Variants in BIN1 observed in about 807,000 individuals in gnomAD.
BIN1 encodes bridging integrator 1, also known as myc box-dependent-interacting protein 1.
BIN1 carries 53 observed loss-of-function variants against 82.0 expected under a neutral mutation model. That is an observed-to-expected ratio of 0.65 (90% confidence interval 0.52 to 0.81). BIN1 has a LOEUF of 0.81. Ranked by LOEUF, BIN1 falls within the 40% of genes least tolerant of loss-of-function variation. BIN1 has a pLI of 0.00. For missense variants in BIN1, 642 were observed against 784.4 expected (o/e 0.82, Z 2.17); for synonymous variants, 302 against 328.0 (o/e 0.92, Z 0.86).
chr2:127,072,799 G>T (rs1002970192), intron 2 of BIN1, among the ~76,000 whole-genome samples: 2 of 152,144 alleles, frequency 1.3e-5, no homozygotes, highest in African/African-American at 4.8e-5. Context: ...TCAGGGGGTC[G>T]GATGGAGACC....
At chr2:127,085,813 G>GC (rs1230098735) in intron 1 of BIN1, among the ~76,000 whole-genome samples, 1 of 152,170 alleles carries the variant, frequency 6.6e-6, no homozygotes, top group Non-Finnish European at 1.5e-5. Context: ...CATACCTGGG[G>GC]CCCCCATGTC....
At chr2:127,094,781 C>T (rs553820464) in intron 1 of BIN1, among the ~76,000 whole-genome samples, 1 of 152,352 alleles carries the variant, frequency 6.6e-6, no homozygotes, top group East Asian at 1.9e-4. Flanking sequence ...GCAGCCCACA[C>T]CCATTCCTCA....
chr2:127,094,556 T>A (rs113167047), intron 1 of BIN1, among the ~76,000 whole-genome samples: 2 of 152,316 alleles, frequency 1.3e-5, no homozygotes, highest in African/African-American at 4.8e-5. Flanking sequence ...CCGGTCCCTC[T>A]GTCTCTCCCC....
intron 12 of BIN1, chr2:127,054,214 C>T (rs756651467): frequency 1.8e-5 from 11 of 618,556 alleles, no homozygotes; most frequent in Non-Finnish European, 2.7e-5. Flanking sequence ...CACGGGAGCA[C>T]TGCCCAAAGC....
chr2:127,104,569 C>G (rs1043766618), intron 1 of BIN1, among the ~76,000 whole-genome samples: 1 of 152,178 alleles, frequency 6.6e-6, no homozygotes, highest in Non-Finnish European at 1.5e-5. Context: ...TTCCTGTAGC[C>G]ACAGGGAAAC....
intron 1 of BIN1, among the ~76,000 whole-genome samples, chr2:127,088,156 C>T (rs1012092479): frequency 1.3e-5 from 2 of 152,182 alleles, no homozygotes; most frequent in Non-Finnish European, 2.9e-5. Context: ...GGTGAGCTGG[C>T]CAGACGCAGG....
chr2:127,072,264 G>A (rs1685984691), intron 2 of BIN1, among the ~76,000 whole-genome samples: 2 of 152,210 alleles, frequency 1.3e-5, no homozygotes, highest in South Asian at 2.1e-4. Flanking sequence ...ACCCTCTTCT[G>A]TCTCCCCACT....
rs896848512 is a variant in BIN1, at chr2:127,082,709, A to C, written c.85-6003T>G. 6.6e-6 allele frequency among the ~76,000 whole-genome samples: 1 copy of C among 152,052 alleles called. No individual in the cohort carries two copies. Among genetic ancestry groups the C allele is most frequent in the Non-Finnish European group, 1.5e-5 (1 of 68,022 alleles). The stretch of plus-strand genomic sequence containing the variant: ...ACCCCTCCTCCAAGCCCATCTCTCA[A>C]ATGCGAGCTGTCCCTGCAACCAGAC... On this transcript the variant is annotated intron_variant, in intron 1 of 18. Transcript: ENST00000316724. This position sits in a 1 kb window ranked among gnomAD's most constrained non-coding sequence, Gnocchi z 6.1.
At chr2:127,103,413 A>T (rs557479987) in intron 1 of BIN1, among the ~76,000 whole-genome samples, 4 of 152,222 alleles carry the variant, frequency 2.6e-5, no homozygotes, top group African/African-American at 9.6e-5. Flanking sequence ...TCTTCTCGGC[A>T]TGTCAGCGCT....
In BIN1 at chr2:127,053,915, G is replaced by A; in HGVS notation, c.1229C>T (p.Pro410Leu). ...PVTSPVKAPT[P>L]SGQSIPWDLW... The stretch of plus-strand genomic sequence containing the variant: ...GTGGGCACAACCAACCTGACCAGAG[G>A]GCGTGGGTGCCTTCACAGGGCTCGT... The change falls in exon 13 of 19, where the codon CCC becomes CTC. Residue 410 changes from proline to leucine, a missense_variant. Transcript: ENST00000316724. The A allele has an allele frequency of 1.3e-6, 2 of 1,551,252 alleles. No individual in the cohort carries two copies. Among genetic ancestry groups the A allele is most frequent in the Non-Finnish European group, 1.7e-6 (2 of 1,146,958 alleles).
At chr2:127,097,950 G>A (rs1679811593) in intron 1 of BIN1, among the ~76,000 whole-genome samples, 1 of 151,846 alleles carries the variant, frequency 6.6e-6, no homozygotes, top group African/African-American at 2.4e-5. Flanking sequence ...AGGTTCTGAG[G>A]AGGCTTCCCT....
intron 11 of BIN1, among the ~76,000 whole-genome samples, chr2:127,058,641 G>A (rs1292946041): frequency 1.3e-5 from 2 of 152,164 alleles, no homozygotes; most frequent in Admixed American, 6.5e-5. Flanking sequence ...GCCAGGAAGA[G>A]GGACAGGCAG....
At chr2:127,097,267 G>A (rs759082694) in intron 1 of BIN1, among the ~76,000 whole-genome samples, 16 of 152,156 alleles carry the variant, frequency 1.1e-4, no homozygotes, top group Non-Finnish European at 1.6e-4. Context: ...CCTCCCAGCC[G>A]CCAGCTCTCC....
At chr2:127,079,565 C>T (rs950346951) in intron 1 of BIN1, among the ~76,000 whole-genome samples, 10 of 152,240 alleles carry the variant, frequency 6.6e-5, no homozygotes, top group African/African-American at 2.2e-4. Flanking sequence ...AAACCTCACT[C>T]AGGTGACATC....
chr2:127,053,796 G>A lies in BIN1; in HGVS notation c.1239+109C>T, dbSNP rs1038024858. 27 of 1,067,160 alleles carry A rather than the reference G, an allele frequency of 2.5e-5. No homozygotes were observed. In the East Asian group the frequency reaches 5.5e-4, roughly 22 times the overall value. The allele number at this position is 1,067,160 out of a possible 1,614,324, so 66.1% of individuals were successfully genotyped here. On this transcript the variant is annotated intron_variant, in intron 13 of 18. Transcript: ENST00000316724. ...GCTGAAGGCTGAGGTGCCAGGGGAA[G>A]GGCAGTGACCCAGGCCTAGCTGGGG...
At chr2:127,052,133 T>A (rs1683035940) in intron 15 of BIN1, 122 bp downstream of exon 15, 1 of 1,075,968 alleles carries the variant, frequency 9.3e-7, no homozygotes, top group African/African-American at 1.6e-5. Flanking sequence ...CAGGACCCTG[T>A]CCTCACCCTC....
At position 127,076,614 on chromosome 2, in the gene BIN1, A is replaced by G. The variant is rs1463523428; in HGVS notation, c.165+12T>C. On this transcript the variant is annotated intron_variant, in intron 2 of 18. Coordinates refer to ENST00000316724, the MANE Select transcript of BIN1 (RefSeq NM_139343.3). ...CACAAACTCCCTAAGGCCAAGGGCC[A>G]CCCACACTCACCAGCTGCTTGTTGA... 6.2e-7 allele frequency: 1 copy of G among 1,613,934 alleles called. No homozygotes were observed. Among genetic ancestry groups the G allele is most frequent in the Non-Finnish European group, 8.5e-7 (1 of 1,180,030 alleles).
At chr2:127,099,952 G>A (rs930951891) in intron 1 of BIN1, among the ~76,000 whole-genome samples, 1 of 151,722 alleles carries the variant, frequency 6.6e-6, no homozygotes, top group Non-Finnish European at 1.5e-5. Context: ...TACAAGCGCC[G>A]CCACCACGCC....
At chr2:127,105,354 A>C (rs759933681) in intron 1 of BIN1, among the ~76,000 whole-genome samples, 47 of 152,152 alleles carry the variant, frequency 3.1e-4, no homozygotes, top group Non-Finnish European at 4.9e-4. Flanking sequence ...ACACAGATGG[A>C]TTACCCAGTC....
Sources: allele counts gnomAD v4.1 joint callset (sites outside exome capture counted in the v4.1 genomes callset), GRCh38; gene constraint gnomAD v4.1.1; non-coding constraint Gnocchi (gnomAD v3.1); transcripts MANE v1.5; gene names NCBI Gene and HGNC (gene_info 2026-07-23, HGNC 2026-07-21).